The following ARHGEF18 variants were observed in gnomAD, a reference collection of about 807,000 sequenced individuals.
ARHGEF18 encodes the protein rho guanine nucleotide exchange factor 18.
ARHGEF18 carries 93 observed loss-of-function variants against 155.7 expected under a neutral mutation model. The ratio of observed to expected loss-of-function variants is 0.60; its 90% CI spans 0.50 to 0.71. ARHGEF18 has a LOEUF of 0.71. ARHGEF18 is among the 30% of genes least tolerant of loss of function. The pLI is 0.00. For synonymous variants in ARHGEF18, 742 were observed against 753.1 expected, an observed-to-expected ratio of 0.99 and a Z score of 0.24; for missense variants, 1,593 against 1,816.1, an observed-to-expected ratio of 0.88 and a Z score of 2.23.
chr19:7,466,665 G>C (rs568883010), intron 23 of ARHGEF18, among the ~76,000 whole-genome samples: 1 of 151,898 alleles, frequency 6.6e-6, no homozygotes, highest in African/African-American at 2.4e-5. Context: ...TTAGCCAGGC[G>C]TGGAGGCTTG....
At chr19:7,436,053 G>T (rs913930295) in intron 10 of ARHGEF18, among the ~76,000 whole-genome samples, 1 of 152,060 alleles carries the variant, frequency 6.6e-6, no homozygotes, top group Non-Finnish European at 1.5e-5. Flanking sequence ...GCCCAGACTG[G>T]TCTCTAACCT....
intron 1 of ARHGEF18, among the ~76,000 whole-genome samples, chr19:7,360,868 C>T (rs1008056747): frequency 6.6e-6 from 1 of 152,238 alleles, no homozygotes; most frequent in Admixed American, 6.5e-5. Flanking sequence ...AGCTTAACAA[C>T]AGCAGCTGAA....
At position 7,378,409 on chromosome 19, in the gene ARHGEF18, T is replaced by C; in HGVS notation, c.557T>C (p.Val186Ala). 8.1e-7 allele frequency: 1 copy of C among 1,234,398 alleles called. No homozygotes were observed. The highest frequency in any genetic ancestry group is 1.0e-6 in the Non-Finnish European group (1 of 988,276). The allele number at this position is 1,234,398 out of a possible 1,614,324, so 76.5% of individuals were successfully genotyped here. ...CTTCTTCCAGGCCTGGAACCTCCAG[T>C]GCTGGAGTGCATGGAAAAAGACCAT... ...TPPVQGLEPP[V>A]LECMEKDHVE... is the part of the protein sequence containing the mutation. The change falls in exon 6 of 29, where the codon GTG becomes GCG. Residue 186 changes from valine (V) to alanine (A), a missense_variant. Coordinates refer to ENST00000668164, the MANE Select transcript of ARHGEF18 (RefSeq NM_001367823.1).
In ARHGEF18 at chr19:7,468,951, G is replaced by GC; in HGVS notation, c.3612dup (p.Thr1205HisfsTer77). ...CCCCGAGGTGGCTCGCCGGGACAGC[G>GC]CCCCCACCGAGAACCGGCTGGCCAA... On this transcript the variant is annotated frameshift_variant, in exon 27 of 29. Transcript: ENST00000668164. LOFTEE classifies it high-confidence loss of function. 1 of 1,580,944 alleles carries GC rather than the reference G, an allele frequency of 6.3e-7. No individual in the cohort carries two copies. Among genetic ancestry groups the GC allele is most frequent in the East Asian group, 2.3e-5 (1 of 42,620 alleles).
intron 10 of ARHGEF18, among the ~76,000 whole-genome samples, chr19:7,414,403 G>C (rs866218063): frequency 6.6e-6 from 1 of 152,152 alleles, no homozygotes; most frequent in Non-Finnish European, 1.5e-5. Flanking sequence ...AGGGCCAGGC[G>C]CGGTGGCTGA....
chr19:7,470,928 T>C lies in ARHGEF18; in HGVS notation c.*630T>C, dbSNP rs1432898060. Reference sequence around the variant, plus strand: ...GAGAGGGCCACGGGGCAGGGCCCACTGAGGGAACATCAGTGGCCCTCCAGT... The same window carrying C: ...GAGAGGGCCACGGGGCAGGGCCCACCGAGGGAACATCAGTGGCCCTCCAGT... On this transcript the variant is annotated 3_prime_UTR_variant, in exon 29 of 29. Transcript: ENST00000668164. This position sits in a 1 kb window ranked among gnomAD's most constrained non-coding sequence, Gnocchi z 5.9. 1 of 400,758 alleles carries C rather than the reference T, an allele frequency of 2.5e-6. No individual in the cohort carries two copies. Among genetic ancestry groups the C allele is most frequent in the African/African-American group, 2.1e-5 (1 of 48,680 alleles). The allele number at this position is 400,758 out of a possible 1,614,324, so 24.8% of individuals were successfully genotyped here.
At chr19:7,473,639 G>A (rs1044352924), downstream of ARHGEF18, among the ~76,000 whole-genome samples, 15 of 151,954 alleles carry the variant, frequency 9.9e-5, no homozygotes, top group South Asian at 2.1e-4. Flanking sequence ...GTGAAACCCC[G>A]TCTCAACTAA....
At chr19:7,452,395 C>A (rs748091348) in intron 16 of ARHGEF18, among the ~76,000 whole-genome samples, 1 of 152,196 alleles carries the variant, frequency 6.6e-6, no homozygotes, top group Non-Finnish European at 1.5e-5. Context: ...CTATAAAAGC[C>A]ACATCCTTGG....
At chr19:7,364,970 T>G (rs1330242886) in intron 2 of ARHGEF18, among the ~76,000 whole-genome samples, 3 of 152,176 alleles carry the variant, frequency 2.0e-5, no homozygotes, top group Non-Finnish European at 4.4e-5. Flanking sequence ...GGCTGAGAAC[T>G]GACAGTTCCT....
chr19:7,370,911 TC>T (rs914700128), intron 2 of ARHGEF18, among the ~76,000 whole-genome samples: 2,601 of 150,100 alleles, frequency 0.017, 96 homozygotes, highest in African/African-American at 0.063. Flanking sequence ...TTTTTTTTTT[TC>T]TTTCTTTCTT....
chr19:7,464,011 T>C (rs895889674), intron 22 of ARHGEF18, 56 bp downstream of exon 22: 8 of 1,508,070 alleles, frequency 5.3e-6, no homozygotes, highest in Non-Finnish European at 7.1e-6. Context: ...AGGATGCACA[T>C]TAACTTGTAT....
At chr19:7,357,279 C>G (rs1969346466) in intron 1 of ARHGEF18, among the ~76,000 whole-genome samples, 1 of 152,200 alleles carries the variant, frequency 6.6e-6, no homozygotes, top group African/African-American at 2.4e-5. Context: ...ATCAGTGTAT[C>G]TGCCATGGAT....
chr19:7,350,616 G>A (rs1361386419), intron 1 of ARHGEF18, among the ~76,000 whole-genome samples: 2 of 152,162 alleles, frequency 1.3e-5, no homozygotes, highest in Non-Finnish European at 2.9e-5. Flanking sequence ...GTTGATGCTC[G>A]ATACTGTTGT....
At chr19:7,475,049 C>T (rs1438653264), downstream of ARHGEF18, among the ~76,000 whole-genome samples, 4 of 152,070 alleles carry the variant, frequency 2.6e-5, no homozygotes, top group Admixed American at 6.6e-5. Context: ...GCCTGGGCAA[C>T]GTGGTGAAAC....
intron 19 of ARHGEF18, 66 bp from the exon 20 acceptor site, chr19:7,459,837 C>T: frequency 1.5e-6 from 2 of 1,375,228 alleles, no homozygotes; most frequent in African/African-American, 2.9e-5. Flanking sequence ...TCTGCAGAAC[C>T]AGCGTCTGTG....
chr19:7,438,740 T>G (rs79444393), intron 10 of ARHGEF18, among the ~76,000 whole-genome samples: 7,299 of 152,194 alleles, frequency 0.048, 510 homozygotes, highest in East Asian at 0.16. Flanking sequence ...CTGCTCTTTG[T>G]CCTTACCTGG....
chr19:7,384,996 T>G (rs8111379), intron 10 of ARHGEF18, among the ~76,000 whole-genome samples: 11,369 of 152,144 alleles, frequency 0.075, 1,284 homozygotes, highest in African/African-American at 0.24. Flanking sequence ...CACCCAGCCT[T>G]TGCCAAATCT....
intron 10 of ARHGEF18, among the ~76,000 whole-genome samples, chr19:7,385,676 A>G (rs1970973521): frequency 6.6e-6 from 1 of 151,646 alleles, no homozygotes; most frequent in Non-Finnish European, 1.5e-5. Flanking sequence ...GGGTTTCACC[A>G]TGTTGGCCAG....
intron 10 of ARHGEF18, among the ~76,000 whole-genome samples, chr19:7,434,102 A>G (rs561054057): frequency 7.2e-4 from 110 of 151,742 alleles, no homozygotes; most frequent in African/African-American, 2.6e-3. Flanking sequence ...GACACCTGTT[A>G]CGAAAGCTTT....
Sources: gnomAD v4.1 joint callset for allele counts (sites outside exome capture counted in the v4.1 genomes callset) on GRCh38, gnomAD v4.1.1 for gene constraint, Gnocchi (gnomAD v3.1) non-coding constraint, MANE v1.5 for transcripts, NCBI Gene and HGNC (gene_info 2026-07-23, HGNC 2026-07-21) for gene names.